FOCAD: variants seen among roughly 807,000 people sequenced by gnomAD.
FOCAD encodes KIAA1797.
FOCAD carries 198 observed loss-of-function variants against 225.6 expected under a neutral mutation model. That is an observed-to-expected ratio of 0.88 (90% CI 0.78 to 0.99). FOCAD has a LOEUF of 0.99. Ranked by LOEUF, FOCAD falls within the 50% of genes least tolerant of loss-of-function variation. The probability of loss-of-function intolerance (pLI) is 0.00; values close to 1 mark genes in which losing one functional copy is unlikely to be tolerated. For missense variants in FOCAD, 2,713 were observed against 2,123.6 expected (o/e 1.28, Z -5.46); for synonymous variants, 897 against 755.0 (o/e 1.19, Z -3.08).
intron 29 of FOCAD, among the ~76,000 whole-genome samples, chr9:20,945,266 G>A (rs982696534): frequency 6.6e-6 from 1 of 152,162 alleles, no homozygotes; most frequent in Non-Finnish European, 1.5e-5. Context: ...ATGCAGAATT[G>A]GAGTTCATGT....
chr9:20,955,250 A>G (rs980810010), intron 35 of FOCAD, among the ~76,000 whole-genome samples: 6 of 152,180 alleles, frequency 3.9e-5, no homozygotes, highest in Non-Finnish European at 7.3e-5. Flanking sequence ...GTGATGGGCC[A>G]TCCCCAATCC....
Position 20,862,516 on chromosome 9 carries a change from A to C in FOCAD, c.1921-62A>C, listed in dbSNP as rs4977780. On this transcript the variant is annotated intron_variant, in intron 15 of 43. Transcript: ENST00000338382. ...CTTATAATAAAATATAGTACTCTTA[A>C]TTAATGGCTTCATATAGGTTGGAGT... 0.55 allele frequency: 856,452 copies of C among 1,552,834 alleles called. 238,260 individuals are homozygous for C. Among genetic ancestry groups the C allele is most frequent in the East Asian group, 0.67 (29,393 of 44,164 alleles).
intron 7 of FOCAD, among the ~76,000 whole-genome samples, chr9:20,765,950 A>G (rs914929564): frequency 6.6e-6 from 1 of 152,184 alleles, no homozygotes; most frequent in Non-Finnish European, 1.5e-5. Context: ...ACTTGAGTAA[A>G]TCTTTCCTCT....
At position 20,929,499 on chromosome 9, in the gene FOCAD, C is replaced by A; in HGVS notation, c.3220C>A (p.Pro1074Thr). 2 of 1,614,106 alleles carry A rather than the reference C, an allele frequency of 1.2e-6. No individual in the cohort carries two copies. The highest frequency in any genetic ancestry group is 8.5e-7 in the Non-Finnish European group (1 of 1,180,014). Residue 1074 changes from proline (P) to threonine (T), a missense_variant, in exon 27 of 44, where the codon CCT becomes ACT. Pro to Thr is a conservative substitution (Grantham distance 38, BLOSUM62 -1). Coordinates refer to ENST00000338382, the MANE Select transcript of FOCAD (RefSeq NM_001375567.1). ...EILNMLTARL[P>T]GKPSADESQA... is the part of the protein sequence containing the mutation. ...CCTGAACATGCTGACTGCCAGGTTA[C>A]CTGGGAAACCAAGTGCTGATGAGTC... is the stretch of plus-strand genomic sequence containing the variant.
chr9:20,801,779 A>ACAC (rs1821866222), intron 11 of FOCAD, among the ~76,000 whole-genome samples: 1 of 152,172 alleles, frequency 6.6e-6, no homozygotes, highest in Non-Finnish European at 1.5e-5. Flanking sequence ...AAAGGCAGTC[A>ACAC]CACACAGTCA....
intron 5 of FOCAD, among the ~76,000 whole-genome samples, chr9:20,747,651 C>T (rs940115660): frequency 6.6e-6 from 1 of 152,042 alleles, no homozygotes; most frequent in African/African-American, 2.4e-5. Flanking sequence ...TTTGGATTTG[C>T]CTTATAAGTG....
Position 20,874,663 on chromosome 9 carries a change from T to G in FOCAD, c.2191-18T>G. The stretch of plus-strand genomic sequence containing the variant: ...TTTATTATTATCCTCTCTATGATCT[T>G]TTCGCTTATCATTTCAGATAAGACC... On this transcript the variant is annotated intron_variant, in intron 18 of 43. Coordinates refer to ENST00000338382, the MANE Select transcript of FOCAD (RefSeq NM_001375567.1). 1 of 1,611,018 alleles carries G rather than the reference T, an allele frequency of 6.2e-7. No individual in the cohort carries two copies.
At chr9:20,964,040 CTTTA>C (rs1447707218) in intron 35 of FOCAD, among the ~76,000 whole-genome samples, 4 of 152,056 alleles carry the variant, frequency 2.6e-5, no homozygotes, top group Non-Finnish European at 5.9e-5. Flanking sequence ...AATGTATTTA[CTTTA>C]TTTGTCAGAA....
chr9:20,921,546 G>A (rs568127682), intron 24 of FOCAD, among the ~76,000 whole-genome samples: 4 of 152,226 alleles, frequency 2.6e-5, no homozygotes, highest in Non-Finnish European at 5.9e-5. Flanking sequence ...AGTCATTGTG[G>A]CAGGCATGAA....
At chr9:20,826,469 C>T (rs1428500206) in intron 15 of FOCAD, among the ~76,000 whole-genome samples, 1 of 152,064 alleles carries the variant, frequency 6.6e-6, no homozygotes, top group Non-Finnish European at 1.5e-5. Flanking sequence ...CTGTCGGCTT[C>T]CCTACTTTTG....
At chr9:20,788,453 A>G (rs1017631339) in intron 10 of FOCAD, among the ~76,000 whole-genome samples, 2 of 152,226 alleles carry the variant, frequency 1.3e-5, no homozygotes, top group Admixed American at 6.5e-5. Flanking sequence ...GGTGCCTTTT[A>G]TAGTATGCAA....
intron 18 of FOCAD, among the ~76,000 whole-genome samples, chr9:20,871,651 A>G (rs1451842980): frequency 6.7e-6 from 1 of 149,694 alleles, no homozygotes; most frequent in Admixed American, 6.7e-5. Context: ...GAAATAAAAA[A>G]TTTAAAAAAA....
At chr9:20,781,341 G>T (rs1819339612) in intron 9 of FOCAD, among the ~76,000 whole-genome samples, 1 of 152,190 alleles carries the variant, frequency 6.6e-6, no homozygotes, top group Non-Finnish European at 1.5e-5. Context: ...ATTCTTAGCT[G>T]CCTTTGTAAA....
intron 11 of FOCAD, among the ~76,000 whole-genome samples, chr9:20,802,052 C>G (rs1200511611): frequency 6.6e-6 from 1 of 152,134 alleles, no homozygotes; most frequent in Non-Finnish European, 1.5e-5. Flanking sequence ...GTTGGGCACT[C>G]AGCCGTTAAT....
chr9:20,731,453 C>G (rs1826695883), intron 4 of FOCAD, among the ~76,000 whole-genome samples: 2 of 151,980 alleles, frequency 1.3e-5, no homozygotes, highest in African/African-American at 4.8e-5. Flanking sequence ...TTGTAAAAAA[C>G]TAAATAATGA....
intron 15 of FOCAD, among the ~76,000 whole-genome samples, chr9:20,861,434 A>G (rs920078482): frequency 3.3e-5 from 5 of 152,326 alleles, no homozygotes; most frequent in Middle Eastern, 3.4e-3. Context: ...CTGGTCTACA[A>G]TACTGCCCTT....
At chr9:20,934,871 TA>T (rs1298600664) in intron 28 of FOCAD, among the ~76,000 whole-genome samples, 1 of 151,192 alleles carries the variant, frequency 6.6e-6, no homozygotes, top group Non-Finnish European at 1.5e-5. Context: ...TTTTTTACAA[TA>T]GCTGCAAAAA....
chr9:20,992,824 G>T (rs1422366317), intron 42 of FOCAD, among the ~76,000 whole-genome samples: 1 of 152,140 alleles, frequency 6.6e-6, no homozygotes, highest in Non-Finnish European at 1.5e-5. Context: ...TTAGCTGGGT[G>T]TGGTGGTGTA....
At chr9:20,699,805 T>TAC (rs1823779247) in intron 1 of FOCAD, among the ~76,000 whole-genome samples, 1 of 112,910 alleles carries the variant, frequency 8.9e-6, no homozygotes, top group African/African-American at 3.5e-5. Context: ...TATATATATA[T>TAC]ATATATATAT....
Sources: allele counts gnomAD v4.1 joint callset (sites outside exome capture counted in the v4.1 genomes callset), GRCh38; gene constraint gnomAD v4.1.1; transcripts MANE v1.5; gene names NCBI Gene and HGNC (gene_info 2026-07-23, HGNC 2026-07-21).